The following SLC1A1 variants were observed in gnomAD, a reference collection of about 807,000 sequenced individuals.
The protein encoded by SLC1A1 is excitatory amino acid transporter 3.
In SLC1A1, 43 loss-of-function variants were observed where a neutral mutation model predicts 53.3. The observed-to-expected ratio is 0.81, with a 90% CI of 0.63 to 1.04. The LOEUF is 1.04. SLC1A1 is among the 50% of genes least tolerant of loss of function. The probability of loss-of-function intolerance (pLI) is 0.00; values close to 1 mark genes in which losing one functional copy is unlikely to be tolerated. For missense variants in SLC1A1, 748 were observed against 664.9 expected (o/e 1.12, Z -1.37); for synonymous variants, 307 against 243.2 (o/e 1.26, Z -2.44).
At position 4,556,181 on chromosome 9, in the gene SLC1A1, T is replaced by C. The variant is rs144242737; in HGVS notation, c.233-5268T>C. Reference sequence around the variant, plus strand: ...TTTGTGTGTGTGTGTGGTTTTGTTTTTGTTTTTTTGTTTTTTTAAGTAGAG... The same window carrying C: ...TTTGTGTGTGTGTGTGGTTTTGTTTCTGTTTTTTTGTTTTTTTAAGTAGAG... On this transcript the variant is annotated intron_variant, in intron 2 of 11. Coordinates refer to ENST00000262352, the MANE Select transcript of SLC1A1 (RefSeq NM_004170.6). This position sits in a 1 kb window ranked among gnomAD's most constrained non-coding sequence, Gnocchi z 4.1. 4.7e-3 allele frequency among the ~76,000 whole-genome samples: 715 copies of C among 152,048 alleles called. 3 individuals carry two copies. The highest frequency in any genetic ancestry group is 0.015 in the African/African-American group (617 of 41,474).
In SLC1A1 at chr9:4,566,036, G is replaced by A. The variant is rs73383440; in HGVS notation, c.441-11G>A. On this transcript the variant is annotated splice_polypyrimidine_tract_variant and intron_variant, in intron 4 of 11. Transcript: ENST00000262352. ...GCCCTAACATAATACTGCCTTTTAT[G>A]TCTCCAACAGGAATATGTTCCCTGA... 0.011 allele frequency: 17,317 copies of A among 1,610,308 alleles called. 1,420 individuals are homozygous for A. In the African/African-American group the frequency reaches 0.19, roughly 18 times the overall value.
rs992228993 is a variant in SLC1A1, at chr9:4,556,550, G to C, written c.233-4899G>C. On this transcript the variant is annotated intron_variant, in intron 2 of 11. Coordinates refer to ENST00000262352, the MANE Select transcript of SLC1A1 (RefSeq NM_004170.6). This position sits in a 1 kb window ranked among gnomAD's most constrained non-coding sequence, Gnocchi z 4.1. ...TCGCCAGCCACCAAAGATGGCCTGA[G>C]AGCAAGAAACCCGGGGGTCCATTGA... is the stretch of plus-strand genomic sequence containing the variant. Among the ~76,000 whole-genome samples the C allele has an allele frequency of 6.6e-6, 1 of 152,172 alleles. No individual in the cohort carries two copies. The highest frequency in any genetic ancestry group is 2.4e-5 in the African/African-American group (1 of 41,422).
intron 4 of SLC1A1, 73 bp from the exon 5 acceptor site, chr9:4,565,974 C>T (rs1422988708): frequency 8.9e-7 from 1 of 1,117,772 alleles, no homozygotes; most frequent in African/African-American, 1.5e-5. Context: ...ATACTAATTT[C>T]TACCAATATA....
intron 6 of SLC1A1, among the ~76,000 whole-genome samples, chr9:4,570,937 A>C (rs1242446236): frequency 1.3e-5 from 2 of 151,950 alleles, no homozygotes. Context: ...AAAGGTAAAA[A>C]CATGATTCAC....
At chr9:4,569,532 A>G (rs1289650332) in intron 6 of SLC1A1, among the ~76,000 whole-genome samples, 5 of 152,212 alleles carry the variant, frequency 3.3e-5, no homozygotes, top group African/African-American at 1.2e-4. Flanking sequence ...CTGCATTGGT[A>G]CCTCTGTAAG....
intron 1 of SLC1A1, among the ~76,000 whole-genome samples, chr9:4,526,850 A>G (rs1816279802): frequency 6.6e-6 from 1 of 152,028 alleles, no homozygotes. Context: ...TTCTTGGCAA[A>G]CATACCCTGC....
intron 1 of SLC1A1, among the ~76,000 whole-genome samples, chr9:4,512,132 T>C (rs917846848): frequency 3.3e-5 from 5 of 152,242 alleles, no homozygotes; most frequent in African/African-American, 1.2e-4. Context: ...ATGTCAGTTC[T>C]CCCATAATTG....
chr9:4,523,968 C>G (rs75886513), intron 1 of SLC1A1, among the ~76,000 whole-genome samples: 1 of 152,168 alleles, frequency 6.6e-6, no homozygotes, highest in African/African-American at 2.4e-5. Flanking sequence ...TGATGAATTC[C>G]TTTCTTCCTT....
intron 11 of SLC1A1, among the ~76,000 whole-genome samples, chr9:4,584,970 AG>A (rs1821454721): frequency 6.6e-6 from 1 of 152,226 alleles, no homozygotes; most frequent in Non-Finnish European, 1.5e-5. Context: ...CATTGAATCT[AG>A]AAAATCCCAA....
At chr9:4,518,991 T>C (rs888678758) in intron 1 of SLC1A1, among the ~76,000 whole-genome samples, 1 of 152,216 alleles carries the variant, frequency 6.6e-6, no homozygotes, top group African/African-American at 2.4e-5. Context: ...AATTGTGTCA[T>C]GTTTTTTCAC....
intron 1 of SLC1A1, among the ~76,000 whole-genome samples, chr9:4,514,519 A>G (rs1247698710): frequency 2.0e-5 from 3 of 152,152 alleles, no homozygotes; most frequent in Non-Finnish European, 4.4e-5. Context: ...AGGCTTTCCA[A>G]ATACACTTGG....
rs567179969 is a variant in SLC1A1, at chr9:4,490,676, A to G, written c.-4A>G. ...GAGCCCAGCGCACAATAGCGGCGACAGCCATGGGGAAACCGGCGAGGAAAG... is the reference window on the plus strand; with the variant it reads ...GAGCCCAGCGCACAATAGCGGCGACGGCCATGGGGAAACCGGCGAGGAAAG... On this transcript the variant is annotated 5_prime_UTR_variant, in exon 1 of 12. Transcript: ENST00000262352. The G allele has an allele frequency of 2.2e-5, 36 of 1,612,066 alleles. No individual in the cohort carries two copies. The highest frequency in any genetic ancestry group is 5.0e-5 in the Admixed American group (3 of 59,964).
chr9:4,523,216 T>A (rs1816144028), intron 1 of SLC1A1, among the ~76,000 whole-genome samples: 1 of 152,206 alleles, frequency 6.6e-6, no homozygotes, highest in Non-Finnish European at 1.5e-5. Flanking sequence ...GGAAGGGTCT[T>A]ACATCATCCA....
At chr9:4,532,781 A>C (rs1425152367) in intron 1 of SLC1A1, among the ~76,000 whole-genome samples, 2 of 152,190 alleles carry the variant, frequency 1.3e-5, no homozygotes, top group Non-Finnish European at 2.9e-5. Context: ...CAAAGTTGCA[A>C]TGAAGGAAAA....
rs190054979 is a variant in SLC1A1 at position 4,549,815 on chromosome 9, G to A, written c.232+5108G>A. Among the ~76,000 whole-genome samples, 12 of 152,280 alleles carry A rather than the reference G, an allele frequency of 7.9e-5. No individual in the cohort carries two copies. The highest frequency in any genetic ancestry group is 2.9e-4 in the African/African-American group (12 of 41,558). ...CCTGCTGGGTTATTGCAACCACCCT[G>A]CTTGTAGAACCTGGGAGTCTGTCCA... is the stretch of plus-strand genomic sequence containing the variant. On this transcript the variant is annotated intron_variant, in intron 2 of 11. Transcript: ENST00000262352. This position sits in a 1 kb window ranked among gnomAD's most constrained non-coding sequence, Gnocchi z 4.1.
chr9:4,505,649 G>A (rs1325315552), intron 1 of SLC1A1, among the ~76,000 whole-genome samples: 1 of 152,016 alleles, frequency 6.6e-6, no homozygotes. Flanking sequence ...CTTTGTTGTT[G>A]TTGTTGTTGT....
At chr9:4,543,765 C>T (rs1273702481) in intron 1 of SLC1A1, among the ~76,000 whole-genome samples, 1 of 151,906 alleles carries the variant, frequency 6.6e-6, no homozygotes, top group Non-Finnish European at 1.5e-5. Context: ...AATCAATAGG[C>T]TATTATATTC....
At position 4,549,280 on chromosome 9, in the gene SLC1A1, C is replaced by T. The variant is rs1002400662; in HGVS notation, c.232+4573C>T. On this transcript the variant is annotated intron_variant, in intron 2 of 11. Transcript: ENST00000262352. The surrounding 1 kb of genome is among the most constrained non-coding windows in gnomAD (Gnocchi z 4.1). ...AGAAGCACTCCAGTGGGCACAGCTG[C>T]GCCTCCTGGTGTCTGCTGTGGCTGC... 3.9e-5 allele frequency among the ~76,000 whole-genome samples: 6 copies of T among 152,052 alleles called. No individual in the cohort carries two copies. The highest frequency in any genetic ancestry group is 1.3e-4 in the Admixed American group (2 of 15,274).
chr9:4,545,548 C>T (rs1278833592), intron 2 of SLC1A1, among the ~76,000 whole-genome samples: 1 of 152,246 alleles, frequency 6.6e-6, no homozygotes, highest in African/African-American at 2.4e-5. Flanking sequence ...CCCAGCCTCT[C>T]AGCAGCTGCC....
Sources: gnomAD v4.1 joint callset for allele counts (sites outside exome capture counted in the v4.1 genomes callset) on GRCh38, gnomAD v4.1.1 for gene constraint, Gnocchi (gnomAD v3.1) non-coding constraint, MANE v1.5 for transcripts, NCBI Gene and HGNC (gene_info 2026-07-23, HGNC 2026-07-21) for gene names.